Variants in VPS13B observed in about 807,000 individuals in gnomAD.
VPS13B encodes the protein vacuolar protein sorting 13 homolog B.
In VPS13B, 285 loss-of-function variants were observed where a neutral mutation model predicts 426.4. The ratio of observed to expected loss-of-function variants is 0.67; its 90% CI spans 0.61 to 0.74. The LOEUF is 0.74. Ranked by LOEUF, VPS13B falls within the 30% of genes least tolerant of loss-of-function variation. VPS13B has a pLI of 0.00. For synonymous variants in VPS13B, 1,676 were observed against 1,676.4 expected (o/e 1.00, Z 0.01); for missense variants, 4,537 against 4,782.6 (o/e 0.95, Z 1.51).
intron 21 of VPS13B, among the ~76,000 whole-genome samples, chr8:99,413,314 C>A (rs920932223): frequency 6.6e-6 from 1 of 152,198 alleles, no homozygotes; most frequent in South Asian, 2.1e-4. Flanking sequence ...CAAATTTGTC[C>A]ATTTCTTCTA....
Position 99,176,472 on chromosome 8 carries a change from G to C in VPS13B, c.2333+6309G>C, listed in dbSNP as rs184839119. Among the ~76,000 whole-genome samples the C allele has an allele frequency of 1.4e-3, 208 of 152,258 alleles. 1 individual carries two copies. Among genetic ancestry groups the C allele is most frequent in the Non-Finnish European group, 1.1e-3 (75 of 68,006 alleles). Reference sequence around the variant, plus strand: ...TGAATAACACCACAGGGTCCACACAGAGTGATTCTGGAAGTGGTTCCAAGA... The same window carrying C: ...TGAATAACACCACAGGGTCCACACACAGTGATTCTGGAAGTGGTTCCAAGA... On this transcript the variant is annotated intron_variant, in intron 16 of 61. Transcript: ENST00000357162.
At chr8:99,414,055 G>A (rs930724574) in intron 21 of VPS13B, among the ~76,000 whole-genome samples, 5 of 152,048 alleles carry the variant, frequency 3.3e-5, no homozygotes, top group Admixed American at 1.3e-4. Context: ...TTATTGTGTG[G>A]GAGTCTAAGT....
intron 43 of VPS13B, among the ~76,000 whole-genome samples, chr8:99,785,529 A>C (rs1449008100): frequency 6.6e-6 from 1 of 152,286 alleles, no homozygotes; most frequent in South Asian, 2.1e-4. Context: ...TCTGTTTTTC[A>C]TAAAAATTTT....
At chr8:99,586,817 G>A (rs1826323047) in intron 33 of VPS13B, among the ~76,000 whole-genome samples, 1 of 152,046 alleles carries the variant, frequency 6.6e-6, no homozygotes, top group African/African-American at 2.4e-5. Flanking sequence ...ACTCTTCCCA[G>A]AATTAGAAAA....
chr8:99,013,708 T>C, intron 1 of VPS13B, 52 bp from the exon 2 acceptor site: 1 of 1,565,426 alleles, frequency 6.4e-7, no homozygotes, highest in Non-Finnish European at 8.8e-7. Flanking sequence ...TAACGAACGC[T>C]CTTTCCTTCA....
chr8:99,662,962 G>A (rs551222403), intron 35 of VPS13B, among the ~76,000 whole-genome samples: 1 of 152,248 alleles, frequency 6.6e-6, no homozygotes, highest in South Asian at 2.1e-4. Flanking sequence ...GGAGGCTGAG[G>A]CACAAGAATT....
chr8:99,312,830 C>A (rs1821084255), intron 19 of VPS13B, among the ~76,000 whole-genome samples: 1 of 152,196 alleles, frequency 6.6e-6, no homozygotes, highest in South Asian at 2.1e-4. Flanking sequence ...TTGGTCTTTT[C>A]ACATAGTCCC....
intron 31 of VPS13B, among the ~76,000 whole-genome samples, chr8:99,566,773 AG>A (rs1481399078): frequency 1.3e-5 from 2 of 152,042 alleles, no homozygotes; most frequent in African/African-American, 4.8e-5. Flanking sequence ...TTTTAAGAGA[AG>A]GGGCCAAACA....
chr8:99,806,864 CATCCAGTGCTCAA>C (rs914800307), intron 43 of VPS13B, among the ~76,000 whole-genome samples: 1 of 152,228 alleles, frequency 6.6e-6, no homozygotes. Context: ...CACTCACTGC[CATCCAGTGCTCAA>C]ATCCAGTGCC....
intron 3 of VPS13B, among the ~76,000 whole-genome samples, chr8:99,088,346 G>T (rs1331204209): frequency 6.6e-6 from 1 of 152,068 alleles, no homozygotes; most frequent in Non-Finnish European, 1.5e-5. Flanking sequence ...GAAATTTGCA[G>T]ATCTCATTAG....
At chr8:99,322,795 A>G (rs1810048403) in intron 19 of VPS13B, among the ~76,000 whole-genome samples, 1 of 152,230 alleles carries the variant, frequency 6.6e-6, no homozygotes, top group Non-Finnish European at 1.5e-5. Context: ...GAAAAGGAAT[A>G]ATCATCATTA....
intron 34 of VPS13B, among the ~76,000 whole-genome samples, chr8:99,659,284 C>T (rs918138575): frequency 2.6e-5 from 4 of 151,986 alleles, no homozygotes; most frequent in Non-Finnish European, 5.9e-5. Context: ...TCATTTATTG[C>T]TTATTCTATC....
intron 23 of VPS13B, among the ~76,000 whole-genome samples, chr8:99,461,914 A>T (rs1396878176): frequency 2.6e-5 from 4 of 152,188 alleles, no homozygotes; most frequent in Non-Finnish European, 4.4e-5. Context: ...AAGCTCTATG[A>T]AAACAATGAG....
chr8:99,295,052 C>T (rs1819953504), intron 19 of VPS13B, among the ~76,000 whole-genome samples: 1 of 152,018 alleles, frequency 6.6e-6, no homozygotes, highest in Non-Finnish European at 1.5e-5. Flanking sequence ...AACATTTGAT[C>T]ATATATGTAG....
intron 44 of VPS13B, among the ~76,000 whole-genome samples, chr8:99,816,437 A>C (rs1026180120): frequency 6.6e-6 from 1 of 151,914 alleles, no homozygotes; most frequent in African/African-American, 2.4e-5. Flanking sequence ...TATGAACTAT[A>C]CTCTCTTACC....
At chr8:99,561,047 A>G (rs1824893996) in intron 31 of VPS13B, among the ~76,000 whole-genome samples, 1 of 152,246 alleles carries the variant, frequency 6.6e-6, no homozygotes, top group African/African-American at 2.4e-5. Flanking sequence ...TTCACATAAC[A>G]TAAAATTAAC....
intron 54 of VPS13B, among the ~76,000 whole-genome samples, chr8:99,847,473 A>G (rs1336195037): frequency 2.0e-5 from 3 of 152,250 alleles, no homozygotes; most frequent in African/African-American, 7.2e-5. Context: ...TGTATGCACC[A>G]GGACATACAG....
At chr8:99,414,059 T>C (rs1815847228) in intron 21 of VPS13B, among the ~76,000 whole-genome samples, 1 of 152,178 alleles carries the variant, frequency 6.6e-6, no homozygotes, top group African/African-American at 2.4e-5. Context: ...TGTGTGGGAG[T>C]CTAAGTCTCT....
intron 33 of VPS13B, among the ~76,000 whole-genome samples, chr8:99,626,445 G>A (rs181243891): frequency 4.6e-5 from 7 of 152,330 alleles, no homozygotes; most frequent in Non-Finnish European, 8.8e-5. Context: ...GGAAGTAGGG[G>A]AGGTGGAGTA....
Sources: gnomAD v4.1 joint callset for allele counts (sites outside exome capture counted in the v4.1 genomes callset) on GRCh38, gnomAD v4.1.1 for gene constraint, MANE v1.5 for transcripts, NCBI Gene and HGNC (gene_info 2026-07-23, HGNC 2026-07-21) for gene names.